Variants in CEP68 observed in about 807,000 individuals in gnomAD.
CEP68 encodes centrosomal protein 68, also known as centrosomal protein of 68 kDa.
In CEP68, 26 loss-of-function variants were observed where a neutral mutation model predicts 55.3. That is an observed-to-expected ratio of 0.47 (90% CI 0.34 to 0.65). The LOEUF (loss-of-function observed/expected upper bound fraction) is 0.65, where lower values mean the gene tolerates loss of function less well. CEP68 is among the 30% of genes least tolerant of loss of function. The probability of loss-of-function intolerance (pLI) is 0.01; values close to 1 mark genes in which losing one functional copy is unlikely to be tolerated. For missense variants in CEP68, 957 were observed against 946.7 expected (o/e 1.01, Z -0.14); for synonymous variants, 402 against 383.2 (o/e 1.05, Z -0.57).
chr2:65,080,692 C>T (rs187449078), intron 5 of CEP68: 6,884 of 281,590 alleles, frequency 0.024, 100 homozygotes, highest in Admixed American at 0.031. Flanking sequence ...GTGGCGGGCG[C>T]CTGTAATCCC....
At position 65,072,337 on chromosome 2, in the gene CEP68, G is replaced by C. The variant is rs140998700; in HGVS notation, c.1241G>C (p.Arg414Thr). The C allele has an allele frequency of 1.6e-4, 252 of 1,613,974 alleles. No homozygotes were observed. In the African/African-American group the frequency reaches 3.0e-3, roughly 19 times the overall value. The change falls in exon 3 of 7, where the codon AGA becomes ACA. Residue 414 changes from arginine (R) to threonine (T), a missense_variant. Physicochemically the swap from Arg to Thr is moderately conservative, Grantham distance 71. Coordinates refer to ENST00000377990, the MANE Select transcript of CEP68 (RefSeq NM_015147.3). ...AGTAGGGATGCTCGTTGGGAGCGCA[G>C]AGAGCCAGCCCTGAGGGGTGCGAAG... ...PGSRDARWER[R>T]EPALRGAKDR...
At chr2:65,080,530 C>A (rs1676961864) in intron 5 of CEP68, 26 of 985,258 alleles carry the variant, frequency 2.6e-5, no homozygotes, top group Admixed American at 6.2e-5. Flanking sequence ...AATAAAAGTT[C>A]AAAAGCGTCC....
At chr2:65,081,572 A>AAAAG (rs1018226522) in intron 5 of CEP68, among the ~76,000 whole-genome samples, 1 of 152,252 alleles carries the variant, frequency 6.6e-6, no homozygotes, top group East Asian at 1.9e-4. Flanking sequence ...AATTTTTGAA[A>AAAAG]AAAGAAAGAA....
rs17849707 is a variant in CEP68, at chr2:65,071,705, A to G, written c.609A>G (p.Thr203=). The G allele has an allele frequency of 0.23, 365,635 of 1,613,838 alleles. 43,362 individuals carry two copies. Among genetic ancestry groups the G allele is most frequent in the Middle Eastern group, 0.34 (2,045 of 6,062 alleles). The change falls in exon 3 of 7, where the codon ACA becomes ACG. Residue 203 remains threonine, a synonymous_variant. Coordinates refer to ENST00000377990, the MANE Select transcript of CEP68 (RefSeq NM_015147.3). ...PSSCSISASS[T]GSSLQGHQER... is the part of the protein sequence containing the mutation. ...GCTGCAGCATCTCTGCTTCCTCCAC[A>G]GGCAGCAGTCTCCAGGGTCACCAGG...
chr2:65,057,429 T>C (rs559771010), intron 1 of CEP68, among the ~76,000 whole-genome samples: 169 of 152,326 alleles, frequency 1.1e-3, no homozygotes, highest in African/African-American at 3.9e-3. Context: ...CCACCCTCTG[T>C]TGAGTCAATT....
At chr2:65,078,803 C>T (rs2103795296) in intron 5 of CEP68, among the ~76,000 whole-genome samples, 1 of 152,342 alleles carries the variant, frequency 6.6e-6, no homozygotes, top group South Asian at 2.1e-4. Flanking sequence ...CTCAGCCTCC[C>T]AGAGTGCTGG....
At chr2:65,077,600 C>A (rs1316908568) in intron 4 of CEP68, among the ~76,000 whole-genome samples, 1 of 152,156 alleles carries the variant, frequency 6.6e-6, no homozygotes, top group Non-Finnish European at 1.5e-5. Flanking sequence ...ACCCTAACTC[C>A]AAGCTGTTTG....
In CEP68 at chr2:65,071,601, C is replaced by T; in HGVS notation, c.505C>T (p.Gln169Ter). The T allele has an allele frequency of 2.5e-6, 4 of 1,614,204 alleles. No homozygotes were observed. The highest frequency in any genetic ancestry group is 3.4e-6 in the Non-Finnish European group (4 of 1,180,034). Residue 169 changes from glutamine (Q) to a stop codon, truncating the protein, a stop_gained, in exon 3 of 7, where the codon CAG becomes TAG. Coordinates refer to ENST00000377990, the MANE Select transcript of CEP68 (RefSeq NM_015147.3). LOFTEE classifies it high-confidence loss of function. ...GCCCCAGGCACTGGACCTCAGCCAG[C>T]AGCCTCACAGCTCAGGTCTCTCTTG... ...DLPQALDLSQ[Q>*]PHSSGLSCLS...
Position 65,071,816 on chromosome 2 carries a change from G to A in CEP68, c.720G>A (p.Val240=), listed in dbSNP as rs764947329. ...TCCCCCAGGAACCTTCCTCTGTGGT[G>A]GGGCTAGGACCTCGGCCCCAGTGGT... The part of the protein sequence containing the change: ...PVVPQEPSSV[V]GLGPRPQWSP... Residue 240 remains valine, a synonymous_variant, in exon 3 of 7, where the codon GTG becomes GTA. Coordinates refer to ENST00000377990, the MANE Select transcript of CEP68 (RefSeq NM_015147.3). 41 of 1,606,420 alleles carry A rather than the reference G, an allele frequency of 2.6e-5. No homozygotes were observed. Among genetic ancestry groups the A allele is most frequent in the Admixed American group, 5.0e-5 (3 of 59,572 alleles).
At position 65,084,935 on chromosome 2, in the gene CEP68, C is replaced by G. The variant is rs1198226034; in HGVS notation, c.*1301C>G. On this transcript the variant is annotated 3_prime_UTR_variant, in exon 7 of 7. Transcript: ENST00000377990. The stretch of plus-strand genomic sequence containing the variant: ...CATCTTAGTTCCATACACACTGAGA[C>G]TTTAAAAGGGAAAAACCACTCTAGC... 3 of 152,122 alleles carry G rather than the reference C, an allele frequency of 2.0e-5. No individual in the cohort carries two copies. The highest frequency in any genetic ancestry group is 7.2e-5 in the African/African-American group (3 of 41,422). 9.4% of individuals were successfully genotyped at this position (152,122 alleles called of 1,614,324 possible). A position where few individuals can be genotyped will look rare whatever the true frequency, so the allele number is the denominator to read the frequency against.
chr2:65,084,462 A>G lies in CEP68; in HGVS notation c.*828A>G, dbSNP rs1336237631. 6.6e-6 allele frequency: 1 copy of G among 152,120 alleles called. No individual in the cohort carries two copies. 9.4% of individuals were successfully genotyped at this position (152,120 alleles called of 1,614,324 possible). On this transcript the variant is annotated 3_prime_UTR_variant, in exon 7 of 7. Coordinates refer to ENST00000377990, the MANE Select transcript of CEP68 (RefSeq NM_015147.3). ...GTAAGTACAGAAACTGAAGCTGTCA[A>G]TAGTGAAGGAAAAAGGGGAATTCTT...
At chr2:65,065,412 A>G (rs1676118471) in intron 1 of CEP68, among the ~76,000 whole-genome samples, 1 of 152,220 alleles carries the variant, frequency 6.6e-6, no homozygotes, top group South Asian at 2.1e-4. Context: ...TCAGTAATGA[A>G]AAAGAGGAAG....
rs1368531202 is a variant in CEP68 at position 65,072,288 on chromosome 2, G to A, written c.1192G>A (p.Ala398Thr). Residue 398 changes from alanine (A) to threonine (T), a missense_variant, in exon 3 of 7, where the codon GCA becomes ACA. Coordinates refer to ENST00000377990, the MANE Select transcript of CEP68 (RefSeq NM_015147.3). ...GMGLASWSQL[A>T]STPRAPGSRD... The stretch of plus-strand genomic sequence containing the variant: ...GGGCTTGGCATCTTGGAGCCAACTT[G>A]CATCTACCCCCAGAGCCCCAGGCAG... 1 of 1,614,030 alleles carries A rather than the reference G, an allele frequency of 6.2e-7. No individual in the cohort carries two copies. Among genetic ancestry groups the A allele is most frequent in the Non-Finnish European group, 8.5e-7 (1 of 1,180,010 alleles).
intron 1 of CEP68, among the ~76,000 whole-genome samples, chr2:65,066,663 G>T (rs1676185519): frequency 1.4e-5 from 2 of 143,238 alleles, no homozygotes; most frequent in Non-Finnish European, 1.5e-5. Flanking sequence ...GGAGGCAGAG[G>T]TTGCAGTGAG....
At chr2:65,074,125 G>C (rs1457144519) in intron 3 of CEP68, 157 bp from the exon 4 acceptor site, 22 of 748,204 alleles carry the variant, frequency 2.9e-5, no homozygotes, top group Non-Finnish European at 1.9e-5. Context: ...GCAGAGGGAG[G>C]TACAGAGTCG....
chr2:65,069,881 T>C (rs1676377813), intron 2 of CEP68, 80 bp downstream of exon 2: 2 of 1,233,718 alleles, frequency 1.6e-6, no homozygotes, highest in African/African-American at 3.0e-5. Context: ...CCATCTTGCA[T>C]CCTTTCCTTG....
chr2:65,064,148 A>C (rs1676040648), intron 1 of CEP68, among the ~76,000 whole-genome samples: 1 of 152,242 alleles, frequency 6.6e-6, no homozygotes, highest in South Asian at 2.1e-4. Context: ...GACTTTGGCC[A>C]CACTACTAAC....
chr2:65,073,293 T>C (rs1676590555), intron 3 of CEP68: 5 of 413,360 alleles, frequency 1.2e-5, no homozygotes, highest in Non-Finnish European at 2.3e-5. Context: ...CCTTGGCTGC[T>C]TCCTAACTCA....
intron 1 of CEP68, among the ~76,000 whole-genome samples, chr2:65,062,572 A>G (rs1249144283): frequency 3.4e-5 from 5 of 146,134 alleles, no homozygotes; most frequent in Non-Finnish European, 7.5e-5. Flanking sequence ...GTGATGGCTT[A>G]TATCTGTAAA....
Sources: gnomAD v4.1 joint callset for allele counts (sites outside exome capture counted in the v4.1 genomes callset) on GRCh38, gnomAD v4.1.1 for gene constraint, MANE v1.5 for transcripts, NCBI Gene and HGNC (gene_info 2026-07-23, HGNC 2026-07-21) for gene names.